FOXP1: variants seen among roughly 807,000 people sequenced by gnomAD.
FOXP1 encodes the protein forkhead box P1.
FOXP1 carries 15 observed loss-of-function variants against 98.2 expected under a neutral mutation model. The ratio of observed to expected loss-of-function variants is 0.15; its 90% CI spans 0.10 to 0.24. The LOEUF is 0.24. Ranked by LOEUF, FOXP1 falls within the 10% of genes least tolerant of loss-of-function variation. FOXP1 has a pLI of 1.00. For synonymous variants in FOXP1, 371 were observed against 314.5 expected (o/e 1.18, Z -1.90); for missense variants, 633 against 848.5 (o/e 0.75, Z 3.15).
At chr3:70,971,259 A>C (rs1426166902) in intron 18 of FOXP1, 1 of 222,050 alleles carries the variant, frequency 4.5e-6, no homozygotes, top group African/African-American at 2.3e-5. Context: ...GAGGGATGGC[A>C]GGAAGGCTTT....
intron 4 of FOXP1, among the ~76,000 whole-genome samples, chr3:71,329,258 G>A (rs1051205615): frequency 1.3e-5 from 2 of 151,014 alleles, no homozygotes; most frequent in African/African-American, 2.4e-5. Flanking sequence ...GTCTCCCTCT[G>A]TCGCACAGGC....
intron 4 of FOXP1, among the ~76,000 whole-genome samples, chr3:71,315,079 T>TAAAAAAAAAAAAAAAAAAAAAAAAAAAAA (rs11355298): frequency 8.5e-5 from 6 of 70,694 alleles, no homozygotes; most frequent in African/African-American, 3.1e-4. Context: ...CTGGTCCATG[T>TAAAAAAAAAAAAAAAAAAAAAAAAAAAAA]AAAAAAAAAA....
At chr3:71,014,192 G>A (rs2044097741) in intron 12 of FOXP1, among the ~76,000 whole-genome samples, 1 of 152,130 alleles carries the variant, frequency 6.6e-6, no homozygotes, top group Non-Finnish European at 1.5e-5. Flanking sequence ...CACAGCAAAA[G>A]AAACTACCAT....
chr3:71,076,427 G>A (rs537375137), intron 7 of FOXP1, among the ~76,000 whole-genome samples: 1 of 152,332 alleles, frequency 6.6e-6, no homozygotes, highest in South Asian at 2.1e-4. Context: ...GGGGAAAAGG[G>A]AACTTGTAGA....
chr3:71,385,563 T>C (rs1374572028), intron 3 of FOXP1, among the ~76,000 whole-genome samples: 2 of 152,106 alleles, frequency 1.3e-5, no homozygotes, highest in African/African-American at 2.4e-5. Flanking sequence ...AGAATACATA[T>C]GTGAGCATAA....
At position 70,970,809 on chromosome 3, in the gene FOXP1, T is replaced by C. The variant is rs781112336; in HGVS notation, c.1653-4A>G. Reference sequence around the variant, plus strand: ...GTTTTTAATAAGGGAAGGGTTACTGTGTAAGAAAAACATAAAAACTCAAAG... The same window carrying C: ...GTTTTTAATAAGGGAAGGGTTACTGCGTAAGAAAAACATAAAAACTCAAAG... On this transcript the variant is annotated splice_polypyrimidine_tract_variant and splice_region_variant and intron_variant, in intron 18 of 20. Coordinates refer to ENST00000649528, the MANE Select transcript of FOXP1 (RefSeq NM_001349338.3). 1.9e-6 allele frequency: 3 copies of C among 1,611,162 alleles called. No homozygotes were observed. The highest frequency in any genetic ancestry group is 2.5e-6 in the Non-Finnish European group (3 of 1,177,288).
intron 19 of FOXP1, chr3:70,966,258 T>TG (rs1559580704): frequency 3.3e-6 from 2 of 610,262 alleles, no homozygotes; most frequent in Admixed American, 2.3e-5. Context: ...AAGAGCTAAC[T>TG]GGGGGCCAGG....
At chr3:71,558,308 A>G (rs1358632343) in intron 2 of FOXP1, among the ~76,000 whole-genome samples, 1 of 152,130 alleles carries the variant, frequency 6.6e-6, no homozygotes, top group East Asian at 1.9e-4. Context: ...AACCTCAGGG[A>G]AAGCTGGCTC....
chr3:71,451,535 GTT>G (rs57747030), intron 3 of FOXP1, among the ~76,000 whole-genome samples: 4 of 149,762 alleles, frequency 2.7e-5, no homozygotes, highest in African/African-American at 9.8e-5. Context: ...ATTTAAATGA[GTT>G]TTTTTTTTAA....
chr3:71,372,268 C>T (rs1254566856), intron 3 of FOXP1, among the ~76,000 whole-genome samples: 3 of 151,714 alleles, frequency 2.0e-5, no homozygotes, highest in Non-Finnish European at 4.4e-5. Context: ...GTGATCCGCC[C>T]GTCTCAGCCT....
chr3:70,980,987 G>C (rs969413149), intron 14 of FOXP1, among the ~76,000 whole-genome samples: 13 of 152,072 alleles, frequency 8.5e-5, no homozygotes, highest in African/African-American at 3.1e-4. Flanking sequence ...CTCCCTTTCA[G>C]TTTTGGGAGG....
chr3:71,545,943 T>G (rs1029001249), intron 2 of FOXP1, among the ~76,000 whole-genome samples: 3 of 152,236 alleles, frequency 2.0e-5, no homozygotes, highest in African/African-American at 7.2e-5. Flanking sequence ...ACTTTAAATG[T>G]TGCATATATC....
At chr3:71,208,536 T>TTGTGTGTGTGTGTGTGTGTGTG (rs1553780525) in intron 5 of FOXP1, among the ~76,000 whole-genome samples, 3,173 of 149,230 alleles carry the variant, frequency 0.021, 33 homozygotes, top group South Asian at 0.057. Flanking sequence ...GCATTTAAGT[T>TTGTGTGTGTGTGTGTGTGTGTG]TGTGTGTGTG....
intron 3 of FOXP1, among the ~76,000 whole-genome samples, chr3:71,452,837 C>T (rs932990023): frequency 6.6e-6 from 1 of 152,110 alleles, no homozygotes; most frequent in Non-Finnish European, 1.5e-5. Flanking sequence ...CAGTGGAGTC[C>T]CAATGGATGA....
intron 7 of FOXP1, among the ~76,000 whole-genome samples, chr3:71,105,075 T>C (rs992835904): frequency 3.9e-5 from 6 of 152,204 alleles, no homozygotes; most frequent in Admixed American, 2.6e-4. Flanking sequence ...TGGAACCACG[T>C]TGCTTCGACA....
chr3:71,276,094 T>A (rs1489612781), intron 5 of FOXP1: 1 of 152,244 alleles, frequency 6.6e-6, no homozygotes, highest in Non-Finnish European at 1.5e-5. Context: ...AAATCAGGTT[T>A]CTGCATTATG....
chr3:71,060,786 G>C (rs2051364273), intron 7 of FOXP1, among the ~76,000 whole-genome samples: 1 of 152,088 alleles, frequency 6.6e-6, no homozygotes, highest in East Asian at 1.9e-4. Context: ...TCAGATTTAA[G>C]GGCAAGATAA....
chr3:70,964,150 A>G (rs2034222553), intron 20 of FOXP1, among the ~76,000 whole-genome samples: 1 of 152,214 alleles, frequency 6.6e-6, no homozygotes, highest in African/African-American at 2.4e-5. Context: ...TACATTTAGC[A>G]AACAGCACAA....
chr3:71,406,823 C>T (rs908271810), intron 3 of FOXP1, among the ~76,000 whole-genome samples: 45 of 152,020 alleles, frequency 3.0e-4, no homozygotes, highest in East Asian at 5.8e-4. Context: ...CTGACAATAA[C>T]GTGAAAGTGG....
Sources: gnomAD v4.1 joint callset for allele counts (sites outside exome capture counted in the v4.1 genomes callset) on GRCh38, gnomAD v4.1.1 for gene constraint, MANE v1.5 for transcripts, NCBI Gene and HGNC (gene_info 2026-07-23, HGNC 2026-07-21) for gene names.